ADGRL3: variants seen among roughly 807,000 people sequenced by gnomAD.
ADGRL3 encodes the protein calcium-independent alpha-latrotoxin receptor 3.
A neutral mutation model predicts 153.5 loss-of-function variants in ADGRL3; 62 were observed. The ratio of observed to expected loss-of-function variants is 0.40; its 90% CI spans 0.33 to 0.50. ADGRL3 has a LOEUF of 0.50. Among genes scored for constraint, ADGRL3 ranks in the 20% least tolerant of loss-of-function variants. The pLI is 0.47. For missense variants in ADGRL3, 1,641 were observed against 1,859.4 expected (o/e 0.88, Z 2.16); for synonymous variants, 710 against 672.5 (o/e 1.06, Z -0.86).
chr4:61,710,128 A>G (rs893998926), intron 6 of ADGRL3, among the ~76,000 whole-genome samples: 1 of 152,190 alleles, frequency 6.6e-6, no homozygotes, highest in African/African-American at 2.4e-5. Context: ...TAGTTAAACC[A>G]CGGCTTTAAA....
intron 19 of ADGRL3, among the ~76,000 whole-genome samples, chr4:61,993,562 G>C (rs1245414122): frequency 6.6e-6 from 1 of 151,976 alleles, no homozygotes; most frequent in Non-Finnish European, 1.5e-5. Flanking sequence ...AAAGTGTTGG[G>C]ATTACAAGCC....
intron 13 of ADGRL3, among the ~76,000 whole-genome samples, chr4:61,919,738 T>G (rs1407432456): frequency 6.6e-6 from 1 of 152,212 alleles, no homozygotes; most frequent in Non-Finnish European, 1.5e-5. Context: ...ATGTTGATCA[T>G]GGAGATTCTG....
chr4:62,007,383 T>TACATATATACAC (rs1553908627), intron 21 of ADGRL3, among the ~76,000 whole-genome samples: 2 of 30,782 alleles, frequency 6.5e-5, no homozygotes, highest in Non-Finnish European at 1.3e-4. Flanking sequence ...TATATATATA[T>TACATATATACAC]ACACACACAC....
intron 1 of ADGRL3, among the ~76,000 whole-genome samples, chr4:61,316,790 T>A (rs2095227744): frequency 6.6e-6 from 1 of 152,228 alleles, no homozygotes; most frequent in African/African-American, 2.4e-5. Context: ...ACTGTTTACT[T>A]TGAGATCATT....
intron 2 of ADGRL3, among the ~76,000 whole-genome samples, chr4:61,459,024 A>G (rs1200099842): frequency 2.0e-5 from 3 of 151,508 alleles, no homozygotes; most frequent in Admixed American, 6.6e-5. Context: ...TATGTTGAAT[A>G]TTAAACAGAA....
chr4:61,892,360 C>T (rs2098594836), intron 9 of ADGRL3, among the ~76,000 whole-genome samples: 1 of 152,086 alleles, frequency 6.6e-6, no homozygotes, highest in African/African-American at 2.4e-5. Context: ...CATTAGGAAG[C>T]TTACTGAAGA....
chr4:61,386,728 G>A (rs2096741011), intron 2 of ADGRL3, among the ~76,000 whole-genome samples: 1 of 152,112 alleles, frequency 6.6e-6, no homozygotes, highest in Non-Finnish European at 1.5e-5. Context: ...AATATTTTTA[G>A]AAGATGACAT....
At chr4:61,529,188 AT>A (rs2098596819) in intron 4 of ADGRL3, among the ~76,000 whole-genome samples, 1 of 152,094 alleles carries the variant, frequency 6.6e-6, no homozygotes, top group South Asian at 2.1e-4. Flanking sequence ...GTATTTTATA[AT>A]ATGTCTGTAG....
intron 1 of ADGRL3, among the ~76,000 whole-genome samples, chr4:61,221,296 C>A (rs1745371424): frequency 6.6e-6 from 1 of 152,000 alleles, no homozygotes; most frequent in Non-Finnish European, 1.5e-5. Flanking sequence ...ATTTTGAAGC[C>A]AGGTTTTCTG....
chr4:61,871,127 A>C (rs1031152750), intron 9 of ADGRL3, among the ~76,000 whole-genome samples: 1 of 152,034 alleles, frequency 6.6e-6, no homozygotes, highest in Non-Finnish European at 1.5e-5. Context: ...AAATACAAAA[A>C]ATTAGCCAGG....
intron 6 of ADGRL3, among the ~76,000 whole-genome samples, chr4:61,687,645 A>G (rs1407109931): frequency 6.6e-6 from 1 of 152,064 alleles, no homozygotes; most frequent in African/African-American, 2.4e-5. Context: ...AGGTCAAATT[A>G]GCATTTAGTA....
chr4:61,455,768 A>G (rs2097727775), intron 2 of ADGRL3, among the ~76,000 whole-genome samples: 1 of 151,986 alleles, frequency 6.6e-6, no homozygotes, highest in Non-Finnish European at 1.5e-5. Context: ...TCCTTACCTG[A>G]TTCTAAAGTA....
intron 8 of ADGRL3, among the ~76,000 whole-genome samples, chr4:61,792,503 T>G (rs1295429706): frequency 1.8e-5 from 2 of 112,892 alleles, no homozygotes; most frequent in Non-Finnish European, 3.6e-5. Flanking sequence ...ATTATTTTTT[T>G]TTTTTGAGAC....
At chr4:61,874,597 T>G (rs1581246838) in intron 9 of ADGRL3, among the ~76,000 whole-genome samples, 1 of 35,140 alleles carries the variant, frequency 2.8e-5, no homozygotes, top group Non-Finnish European at 7.4e-5. Flanking sequence ...TTTGCATGTG[T>G]TTTTTTTTTT....
chr4:61,610,660 A>G (rs1408064533), intron 5 of ADGRL3, among the ~76,000 whole-genome samples: 3 of 152,158 alleles, frequency 2.0e-5, no homozygotes, highest in African/African-American at 7.2e-5. Flanking sequence ...CTTGATTTTT[A>G]ACAAGACTGT....
chr4:61,722,093 CA>C (rs1391197522), intron 6 of ADGRL3, among the ~76,000 whole-genome samples: 1 of 152,016 alleles, frequency 6.6e-6, no homozygotes, highest in Non-Finnish European at 1.5e-5. Context: ...ATATTAGCCC[CA>C]AATCACAGTT....
chr4:61,268,412 T>C (rs953440980), intron 1 of ADGRL3, among the ~76,000 whole-genome samples: 1 of 151,680 alleles, frequency 6.6e-6, no homozygotes, highest in African/African-American at 2.4e-5. Context: ...TTTTATTTGC[T>C]GATTAAGCTA....
chr4:61,941,839 C>T (rs1172383571), intron 15 of ADGRL3, among the ~76,000 whole-genome samples: 2 of 59,398 alleles, frequency 3.4e-5, no homozygotes, highest in African/African-American at 7.9e-5. Context: ...TGGGCTGAGA[C>T]GATGGGGTTT....
At chr4:61,373,145 A>G (rs990018694) in intron 1 of ADGRL3, among the ~76,000 whole-genome samples, 1 of 152,132 alleles carries the variant, frequency 6.6e-6, no homozygotes, top group Non-Finnish European at 1.5e-5. Context: ...CCCTAGTGAG[A>G]TGAACCCGGT....
Sources: gnomAD v4.1 joint callset for allele counts (sites outside exome capture counted in the v4.1 genomes callset) on GRCh38, gnomAD v4.1.1 for gene constraint, MANE v1.5 for transcripts, NCBI Gene and HGNC (gene_info 2026-07-23, HGNC 2026-07-21) for gene names.